SLC24A2: variants seen among roughly 807,000 people sequenced by gnomAD.
The protein encoded by SLC24A2 is sodium/potassium/calcium exchanger 2.
A neutral mutation model predicts 62.0 loss-of-function variants in SLC24A2; 36 were observed. That is an observed-to-expected ratio of 0.58 (90% CI 0.44 to 0.77). The LOEUF is 0.77. SLC24A2 is among the 30% of genes least tolerant of loss of function. The probability of loss-of-function intolerance (pLI) is 0.00; values close to 1 mark genes in which losing one functional copy is unlikely to be tolerated. For missense variants in SLC24A2, 846 were observed against 817.9 expected (o/e 1.03, Z -0.42); for synonymous variants, 358 against 294.0 (o/e 1.22, Z -2.23).
the SLC24A2 span, among the ~76,000 whole-genome samples, chr9:20,007,205 A>T: frequency 6.6e-6 from 1 of 152,190 alleles, no homozygotes; most frequent in Non-Finnish European, 1.5e-5. Flanking sequence ...TTGACTGTTG[A>T]AAATCAGACT....
At chr9:20,067,941 T>C in the SLC24A2 span, among the ~76,000 whole-genome samples, 1 of 152,188 alleles carries the variant, frequency 6.6e-6, no homozygotes, top group Non-Finnish European at 1.5e-5. Flanking sequence ...CTCTAAATTC[T>C]TTGAGAAATT....
chr9:19,511,388 A>T lies in SLC24A2; in HGVS notation c.*4765T>A, dbSNP rs951966003. The T allele has an allele frequency of 3.9e-5, 6 of 152,146 alleles. No homozygotes were observed. Among genetic ancestry groups the T allele is most frequent in the South Asian group, 2.1e-4 (1 of 4,824 alleles). The allele number at this position is 152,146 out of a possible 1,614,324, so 9.4% of individuals were successfully genotyped here. The stretch of plus-strand genomic sequence containing the variant: ...CAAGGTCTTCCTGAGATTATTTTTT[A>T]AAAAAATCTAAAACTGTATATGGGC... On this transcript the variant is annotated 3_prime_UTR_variant, in exon 11 of 11. Transcript: ENST00000341998.
the SLC24A2 span, among the ~76,000 whole-genome samples, chr9:20,074,607 A>AAGGAAGGAAGGAAGGAAGGG: frequency 1.4e-5 from 1 of 69,132 alleles, no homozygotes; most frequent in Non-Finnish European, 2.7e-5. Flanking sequence ...GGAAGGAAAG[A>AAGGAAGGAAGGAAGGAAGGG]AGGGAGTGAG....
Position 19,788,984 on chromosome 9 carries a change from C to G in SLC24A2, c.-253G>C, listed in dbSNP as rs914039450. On this transcript the variant is annotated 5_prime_UTR_variant, in exon 1 of 11. Coordinates refer to ENST00000341998, the MANE Select transcript of SLC24A2 (RefSeq NM_020344.4). ...GCCTACCCGCTCTGAGGCCCGGGCT[C>G]TGGCTCGCACTGGCTGCCGCTCTCG... 1.0e-6 allele frequency: 1 copy of G among 969,592 alleles called. No individual in the cohort carries two copies. Among genetic ancestry groups the G allele is most frequent in the Non-Finnish European group, 1.2e-6 (1 of 815,540 alleles). 60.1% of individuals were successfully genotyped at this position (969,592 alleles called of 1,614,324 possible). A position where few individuals can be genotyped will look rare whatever the true frequency, so the allele number is the denominator to read the frequency against.
intron 2 of SLC24A2, among the ~76,000 whole-genome samples, chr9:19,780,018 G>A (rs541495739): frequency 6.6e-6 from 1 of 152,056 alleles, no homozygotes; most frequent in Non-Finnish European, 1.5e-5. Context: ...AGCCGAGATC[G>A]CACCACTGCA....
intron 2 of SLC24A2, among the ~76,000 whole-genome samples, chr9:19,693,296 C>T (rs1464798254): frequency 6.6e-6 from 1 of 152,210 alleles, no homozygotes; most frequent in South Asian, 2.1e-4. Context: ...ACCCAAATAT[C>T]CATCAATGGT....
chr9:19,975,196 G>A, the SLC24A2 span, among the ~76,000 whole-genome samples: 1 of 152,190 alleles, frequency 6.6e-6, no homozygotes, highest in Non-Finnish European at 1.5e-5. Flanking sequence ...CCAGGTCTAA[G>A]AGCCTAGCTT....
the SLC24A2 span, among the ~76,000 whole-genome samples, chr9:19,831,658 G>C: frequency 1.3e-5 from 2 of 152,040 alleles, no homozygotes; most frequent in East Asian, 1.9e-4. Flanking sequence ...AGACAACATT[G>C]TCTTTAAAAT....
chr9:19,881,053 T>C, the SLC24A2 span, among the ~76,000 whole-genome samples: 1 of 152,136 alleles, frequency 6.6e-6, no homozygotes, highest in African/African-American at 2.4e-5. Context: ...CTTAGTGCTG[T>C]TGTGAAGGAT....
the SLC24A2 span, among the ~76,000 whole-genome samples, chr9:20,099,887 T>C: frequency 6.6e-6 from 1 of 152,188 alleles, no homozygotes; most frequent in South Asian, 2.1e-4. Context: ...ATCCCACCAC[T>C]CATGGGAATT....
chr9:19,649,563 C>A (rs1243462310), intron 2 of SLC24A2, among the ~76,000 whole-genome samples: 2 of 152,094 alleles, frequency 1.3e-5, no homozygotes, highest in Non-Finnish European at 2.9e-5. Context: ...AAAATATGGT[C>A]TAGTATACAC....
At chr9:19,904,159 C>T in the SLC24A2 span, among the ~76,000 whole-genome samples, 3 of 152,000 alleles carry the variant, frequency 2.0e-5, no homozygotes, top group African/African-American at 7.2e-5. Flanking sequence ...ATCACTTGAT[C>T]TTGTTAGATA....
At chr9:20,052,462 T>C in the SLC24A2 span, among the ~76,000 whole-genome samples, 1 of 152,238 alleles carries the variant, frequency 6.6e-6, no homozygotes, top group East Asian at 1.9e-4. Flanking sequence ...ACTGTAGTTG[T>C]AAAACTGTAT....
chr9:19,777,853 G>A (rs147910593), intron 2 of SLC24A2, among the ~76,000 whole-genome samples: 4 of 152,258 alleles, frequency 2.6e-5, no homozygotes, highest in African/African-American at 9.6e-5. Context: ...ATATTTTGAT[G>A]TGTTTTTAAT....
chr9:20,126,180 C>A, the SLC24A2 span, among the ~76,000 whole-genome samples: 1 of 152,096 alleles, frequency 6.6e-6, no homozygotes, highest in Non-Finnish European at 1.5e-5. Flanking sequence ...AAGTCCTCTG[C>A]CTGCATTTTT....
At chr9:19,762,793 CTTTTTT>C (rs58241037) in intron 2 of SLC24A2, among the ~76,000 whole-genome samples, 1 of 102,394 alleles carries the variant, frequency 9.8e-6, no homozygotes, top group African/African-American at 3.7e-5. Flanking sequence ...GCTATATGTG[CTTTTTT>C]TTTTTTTTTT....
the SLC24A2 span, among the ~76,000 whole-genome samples, chr9:19,978,349 C>T: frequency 6.6e-6 from 1 of 152,046 alleles, no homozygotes; most frequent in Non-Finnish European, 1.5e-5. Context: ...TTCTTATGAA[C>T]TATTGTTCAA....
the SLC24A2 span, among the ~76,000 whole-genome samples, chr9:19,992,593 G>A: frequency 6.6e-6 from 1 of 152,176 alleles, no homozygotes; most frequent in East Asian, 1.9e-4. Flanking sequence ...ATTATTTTAT[G>A]TGCTTCTGCA....
intron 2 of SLC24A2, among the ~76,000 whole-genome samples, chr9:19,668,359 T>A (rs191232012): frequency 6.6e-6 from 1 of 152,126 alleles, no homozygotes; most frequent in Non-Finnish European, 1.5e-5. Context: ...CTGGGTGAAA[T>A]TGCACAGCCC....
Sources: gnomAD v4.1 joint callset for allele counts (sites outside exome capture counted in the v4.1 genomes callset) on GRCh38, gnomAD v4.1.1 for gene constraint, MANE v1.5 for transcripts, NCBI Gene and HGNC (gene_info 2026-07-23, HGNC 2026-07-21) for gene names.